The following GCDH variants were observed in gnomAD, a reference collection of about 807,000 sequenced individuals.
The protein encoded by GCDH is glutaryl-CoA dehydrogenase.
Under a neutral mutation model 52.8 loss-of-function variants are expected in GCDH, and 31 were observed. The observed-to-expected ratio is 0.59, with a 90% CI of 0.44 to 0.79. The LOEUF (loss-of-function observed/expected upper bound fraction) is 0.79, where lower values mean the gene tolerates loss of function less well. GCDH is among the 30% of genes least tolerant of loss of function. The probability of loss-of-function intolerance (pLI) is 0.00; values close to 1 mark genes in which losing one functional copy is unlikely to be tolerated. For synonymous variants in GCDH, 242 were observed against 250.0 expected (o/e 0.97, Z 0.30); for missense variants, 509 against 595.0 (o/e 0.86, Z 1.50).
Position 12,891,221 on chromosome 19 carries a change from C to G in GCDH, c.-35+19C>G, listed in dbSNP as rs1056090401. ...CTACCAGGTAAGGAAGGTGCGGTAG[C>G]CCCAGCCGTGGGTGAGAGGAGCTCC... On this transcript the variant is annotated intron_variant, in intron 1 of 11. Transcript: ENST00000222214. 14 of 1,120,504 alleles carry G rather than the reference C, an allele frequency of 1.2e-5. No individual in the cohort carries two copies. Among genetic ancestry groups the G allele is most frequent in the Non-Finnish European group, 1.8e-5 (14 of 759,798 alleles). The allele number at this position is 1,120,504 out of a possible 1,614,324, so 69.4% of individuals were successfully genotyped here.
At chr19:12,893,457 C>A in intron 5 of GCDH, 26 bp from the exon 6 acceptor site, 1 of 1,609,284 alleles carries the variant, frequency 6.2e-7, no homozygotes, top group South Asian at 1.1e-5. Context: ...CTCTATTGTC[C>A]TGCTTTCCCC....
intron 9 of GCDH, 54 bp downstream of exon 9, chr19:12,897,067 A>T: frequency 7.0e-7 from 1 of 1,427,990 alleles, no homozygotes; most frequent in Admixed American, 1.7e-5. Context: ...CTTGGGTTTC[A>T]CTCTCTATAC....
chr19:12,899,458 T>C lies in GCDH; in HGVS notation c.1244-10T>C. ...AAACTCCAAACCGACTCTGTATTAA[T>C]CTTGTCCAGGTACACATGACATTCA... On this transcript the variant is annotated splice_polypyrimidine_tract_variant and intron_variant, in intron 11 of 11. Coordinates refer to ENST00000222214, the MANE Select transcript of GCDH (RefSeq NM_000159.4). 1 of 1,614,166 alleles carries C rather than the reference T, an allele frequency of 6.2e-7. No homozygotes were observed. Among genetic ancestry groups the C allele is most frequent in the Non-Finnish European group, 8.5e-7 (1 of 1,180,018 alleles).
intron 10 of GCDH, 115 bp from the exon 11 acceptor site, chr19:12,897,588 G>A (rs1475898470): frequency 6.9e-7 from 1 of 1,447,978 alleles, no homozygotes; most frequent in Non-Finnish European, 9.7e-7. Context: ...CAGCCCCACT[G>A]GTCCCTCATT....
chr19:12,896,911 G>C lies in GCDH; in HGVS notation c.854G>C (p.Gly285Ala). Residue 285 changes from glycine to alanine, a missense_variant and splice_region_variant, in exon 9 of 12, where the codon GGT (glycine) becomes GCT (alanine). Physicochemically the swap from Gly to Ala is moderately conservative, Grantham distance 60. Transcript: ENST00000222214. The surrounding 1 kb of genome is among the most constrained non-coding windows in gnomAD (Gnocchi z 5.5). ...TGAGGCGCCATCTCAACCCTACAGG[G>C]TCCCTTCGGCTGCCTGAACAACGCC... Reference protein sequence around the residue: ...NVLPGASSLGGPFGCLNNARY... With the variant: ...NVLPGASSLGAPFGCLNNARY... The C allele has an allele frequency of 6.2e-7, 1 of 1,612,110 alleles. No homozygotes were observed. The highest frequency in any genetic ancestry group is 8.5e-7 in the Non-Finnish European group (1 of 1,178,882).
Position 12,896,218 on chromosome 19 carries a change from C to T in GCDH, c.649C>T (p.Pro217Ser). The stretch of plus-strand genomic sequence containing the variant: ...TTCCATCCCCAGGATCACGAACTCG[C>T]CTATGGCCGATCTGTTTGTAGTGTG... ...NGTKTWITNS[P>S]MADLFVVWAR... The change falls in exon 8 of 12, where the codon CCT becomes TCT. Residue 217 changes from proline (P) to serine (S), a missense_variant. Pro to Ser is a moderately conservative substitution (Grantham distance 74). Transcript: ENST00000222214. The surrounding 1 kb of genome is among the most constrained non-coding windows in gnomAD (Gnocchi z 5.5). 1 of 1,614,144 alleles carries T rather than the reference C, an allele frequency of 6.2e-7. No individual in the cohort carries two copies. The highest frequency in any genetic ancestry group is 8.5e-7 in the Non-Finnish European group (1 of 1,180,034).
At position 12,891,296 on chromosome 19, in the gene GCDH, TGA is replaced by T. The variant is rs1158124039; in HGVS notation, c.-3_-2del. On this transcript the variant is annotated 5_prime_UTR_variant, in exon 2 of 12. Coordinates refer to ENST00000222214, the MANE Select transcript of GCDH (RefSeq NM_000159.4). Reference sequence around the variant, plus strand: ...GTCGCCGTCGTTGCTCCGCTCGCTCTGAGAGAGCATGGCCCTGAGAGGCGTCT... The same window carrying T: ...GTCGCCGTCGTTGCTCCGCTCGCTCTGAGAGCATGGCCCTGAGAGGCGTCT... 1.9e-6 allele frequency: 3 copies of T among 1,603,150 alleles called. No individual in the cohort carries two copies. Among genetic ancestry groups the T allele is most frequent in the African/African-American group, 2.7e-5 (2 of 74,874 alleles).
In GCDH at chr19:12,896,417, T is replaced by C. The variant is rs1970682343; in HGVS notation, c.848T>C (p.Leu283Pro). 6.2e-7 allele frequency: 1 copy of C among 1,611,418 alleles called. No individual in the cohort carries two copies. The highest frequency in any genetic ancestry group is 1.7e-5 in the Admixed American group (1 of 59,778). Residue 283 changes from leucine to proline, a missense_variant, in exon 8 of 12, where the codon CTG (leucine) becomes CCG (proline). Transcript: ENST00000222214. The surrounding 1 kb of genome is among the most constrained non-coding windows in gnomAD (Gnocchi z 5.5). ...EENVLPGASS[L>P]GGPFGCLNNA... ...AATGTGCTCCCTGGTGCATCCAGCC[T>C]GGGGGTAAGTGGCAGCCACTTTGGG...
rs772406272 is a variant in GCDH at position 12,899,535 on chromosome 19, C to A, written c.1311C>A (p.Ser437Arg). The A allele has an allele frequency of 1.2e-6, 2 of 1,614,162 alleles. No individual in the cohort carries two copies. Among genetic ancestry groups the A allele is most frequent in the East Asian group, 2.2e-5 (1 of 44,888 alleles). Reference protein sequence around the residue: ...AITGIQAFTASK With the variant: ...AITGIQAFTARK ...CGGGAATCCAGGCGTTCACGGCCAG[C>A]AAGTGAGCCGCTCCATCAGGGGCCC... Residue 437 changes from serine (S) to arginine (R), a missense_variant, in exon 12 of 12, where the codon AGC (serine) becomes AGA (arginine). Ser to Arg is a moderately radical substitution (Grantham distance 110, BLOSUM62 -1). Transcript: ENST00000222214.
rs2145940591 is a variant in GCDH at position 12,892,119 on chromosome 19, T to G, written c.275T>G (p.Phe92Cys). 1 of 1,614,164 alleles carries G rather than the reference T, an allele frequency of 6.2e-7. No homozygotes were observed. Among genetic ancestry groups the G allele is most frequent in the Non-Finnish European group, 8.5e-7 (1 of 1,180,014 alleles). ...TTGGGCACTGGTCCCTTTGCAGTTT[T>G]TCATCGGGAGATCATTTCGGAGATG... ...RILLANRNEV[F>C]HREIISEMGE... Residue 92 changes from phenylalanine to cysteine, a missense_variant, in exon 5 of 12, where the codon TTT becomes TGT. Phe to Cys is a radical substitution (Grantham distance 205). Transcript: ENST00000222214.
chr19:12,898,001 T>C, intron 11 of GCDH, 138 bp downstream of exon 11: 1 of 737,904 alleles, frequency 1.4e-6, no homozygotes, highest in Non-Finnish European at 2.4e-6. Flanking sequence ...GCCTTACCCC[T>C]CTGTCCCTCA....
chr19:12,899,534 G>A lies in GCDH; in HGVS notation c.1310G>A (p.Ser437Asn). 1 of 1,614,196 alleles carries A rather than the reference G, an allele frequency of 6.2e-7. No homozygotes were observed. The highest frequency in any genetic ancestry group is 8.5e-7 in the Non-Finnish European group (1 of 1,180,016). ...AITGIQAFTA[S>N]K Reference sequence around the variant, plus strand: ...ACGGGAATCCAGGCGTTCACGGCCAGCAAGTGAGCCGCTCCATCAGGGGCC... The same window carrying A: ...ACGGGAATCCAGGCGTTCACGGCCAACAAGTGAGCCGCTCCATCAGGGGCC... Residue 437 changes from serine (S) to asparagine (N), a missense_variant, in exon 12 of 12, where the codon AGC becomes AAC. Physicochemically the swap from Ser to Asn is conservative, Grantham distance 46 (BLOSUM62 1). Transcript: ENST00000222214.
chr19:12,891,650 G>A (rs1356554236), intron 3 of GCDH, 128 bp downstream of exon 3: 2 of 1,607,556 alleles, frequency 1.2e-6, no homozygotes, highest in South Asian at 1.1e-5. Flanking sequence ...AGGGTCAGAG[G>A]CACTAAGGCA....
At chr19:12,897,554 G>A in intron 10 of GCDH, 126 bp downstream of exon 10, 2 of 1,437,376 alleles carry the variant, frequency 1.4e-6, no homozygotes, top group Non-Finnish European at 2.0e-6. Context: ...TGTCCCTCTT[G>A]TCCTTGATGG....
At chr19:12,897,084 T>G in intron 9 of GCDH, 71 bp downstream of exon 9, 1 of 1,315,584 alleles carries the variant, frequency 7.6e-7, no homozygotes, top group Non-Finnish European at 1.1e-6. Flanking sequence ...ATACCATGGG[T>G]GACTCCCCAG....
In GCDH at chr19:12,891,821, C is replaced by T; in HGVS notation, c.128-10C>T. On this transcript the variant is annotated splice_polypyrimidine_tract_variant and intron_variant, in intron 3 of 11. Coordinates refer to ENST00000222214, the MANE Select transcript of GCDH (RefSeq NM_000159.4). ...TTGCGGACTGGACCGAGGCGAATTC[C>T]CCTTCCCAGCCTCGCGTCCCGAGTT... 2 of 1,613,678 alleles carry T rather than the reference C, an allele frequency of 1.2e-6. No homozygotes were observed. The highest frequency in any genetic ancestry group is 2.7e-5 in the African/African-American group (2 of 75,040).
rs190174770 is a variant in GCDH, at chr19:12,899,881, G to A, written c.*340G>A. ...CCCCCTCACACTGAGTTCACAGTGC[G>A]CCCTCCCTCCCTCCCATCTGGGGGT... On this transcript the variant is annotated 3_prime_UTR_variant, in exon 12 of 12. Transcript: ENST00000222214. 67 of 1,589,850 alleles carry A rather than the reference G, an allele frequency of 4.2e-5. No homozygotes were observed. The Middle Eastern group carries it at 5.0e-4, about 12-fold the overall frequency.
chr19:12,894,857 AAGTCTGAATCC>A (rs897965657), intron 6 of GCDH: 5 of 535,252 alleles, frequency 9.3e-6, no homozygotes, highest in African/African-American at 6.0e-5. Flanking sequence ...TTCCACTTCT[AAGTCTGAATCC>A]AGTCAGAAAT....
chr19:12,893,367 T>C (rs1970600201), intron 5 of GCDH, 116 bp from the exon 6 acceptor site: 1 of 877,120 alleles, frequency 1.1e-6, no homozygotes, highest in Admixed American at 1.8e-5. Context: ...AAACCTCAGC[T>C]AGGGCCAGCT....
Sources: gnomAD v4.1 joint callset for allele counts on GRCh38, gnomAD v4.1.1 for gene constraint, Gnocchi (gnomAD v3.1) non-coding constraint, MANE v1.5 for transcripts, NCBI Gene and HGNC (gene_info 2026-07-23, HGNC 2026-07-21) for gene names.